The following TSPEAR variants were observed in gnomAD, a reference collection of about 807,000 sequenced individuals.
TSPEAR encodes thrombospondin type laminin G domain and EAR repeats, also known as thrombospondin-type laminin G domain and EAR repeat-containing protein.
TSPEAR carries 69 observed loss-of-function variants against 71.6 expected under a neutral mutation model. The observed-to-expected ratio is 0.96, with a 90% confidence interval of 0.79 to 1.18. TSPEAR has a LOEUF of 1.18. Ranked by LOEUF, TSPEAR falls within the 50% of genes most tolerant of loss-of-function variation. The pLI, the probability that TSPEAR is intolerant of heterozygous loss-of-function variation, is 0.00. For missense variants in TSPEAR, 971 were observed against 894.9 expected (o/e 1.09, Z -1.09); for synonymous variants, 402 against 387.2 (o/e 1.04, Z -0.45).
At position 44,711,326 on chromosome 21, in the gene TSPEAR, G is replaced by T; in HGVS notation, c.82+107C>A. The T allele has an allele frequency of 9.6e-7, 1 of 1,039,194 alleles. No homozygotes were observed. The highest frequency in any genetic ancestry group is 1.4e-6 in the Non-Finnish European group (1 of 706,864). 64.4% of individuals were successfully genotyped at this position (1,039,194 alleles called of 1,614,324 possible). A position where few individuals can be genotyped will look rare whatever the true frequency, so the allele number is the denominator to read the frequency against. On this transcript the variant is annotated intron_variant, in intron 1 of 11. Coordinates refer to ENST00000323084, the MANE Select transcript of TSPEAR (RefSeq NM_144991.3). The surrounding 1 kb of genome is among the most constrained non-coding windows in gnomAD (Gnocchi z 4.5). ...CTGCCAGTCCTGCCAAAGCGTCCTC[G>T]GGCACCGCGGCTTGAATCAGTGTTA...
At chr21:44,540,130 G>T (rs782136901) in intron 2 of TSPEAR, 12 of 1,613,576 alleles carry the variant, frequency 7.4e-6, no homozygotes, top group Non-Finnish European at 9.3e-6. Context: ...TGGAGCAGAC[G>T]GACATGGTGG....
Position 44,565,455 on chromosome 21 carries a change from G to A in TSPEAR, c.303+2330C>T, listed in dbSNP as rs587672795. Among the ~76,000 whole-genome samples, 135 of 152,180 alleles carry A rather than the reference G, an allele frequency of 8.9e-4. No homozygotes were observed. The South Asian group carries it at 0.027, about 30-fold the overall frequency. On this transcript the variant is annotated intron_variant, in intron 2 of 11. Coordinates refer to ENST00000323084, the MANE Select transcript of TSPEAR (RefSeq NM_144991.3). ...TACCACTATCTCTCATGATATGAAC[G>A]CAAAATACTCAACAAGATACTAGCA... is the stretch of plus-strand genomic sequence containing the variant.
At chr21:44,673,984 A>G (rs1396116949) in intron 1 of TSPEAR, among the ~76,000 whole-genome samples, 1 of 152,148 alleles carries the variant, frequency 6.6e-6, no homozygotes, top group Non-Finnish European at 1.5e-5. Context: ...GGACGTTAGT[A>G]GTAATAAATG....
Position 44,591,222 on chromosome 21 carries a change from T to A in TSPEAR, c.83-23217A>T, listed in dbSNP as rs1979792777. 2.1e-5 allele frequency: 30 copies of A among 1,410,316 alleles called. No homozygotes were observed. In the South Asian group the frequency reaches 4.1e-4, roughly 19 times the overall value. 87.4% of individuals were successfully genotyped at this position (1,410,316 alleles called of 1,614,324 possible). ...GGTCTGGGGGAGTAGCTGGGGTCTC[T>A]CATGCAGCCAGCATCTGGGAAGGAC... is the stretch of plus-strand genomic sequence containing the variant. On this transcript the variant is annotated intron_variant, in intron 1 of 11. Coordinates refer to ENST00000323084, the MANE Select transcript of TSPEAR (RefSeq NM_144991.3).
chr21:44,666,875 G>A (rs1985810053), intron 1 of TSPEAR: 1 of 1,613,528 alleles, frequency 6.2e-7, no homozygotes, highest in Non-Finnish European at 8.5e-7. Flanking sequence ...AGGAGCAGCT[G>A]GTATGACACA....
intron 1 of TSPEAR, chr21:44,697,455 G>T (rs537911155): frequency 6.2e-7 from 1 of 1,614,082 alleles, no homozygotes; most frequent in East Asian, 2.2e-5. Context: ...CCCTCGTGCT[G>T]CCAGCAGTCT....
intron 1 of TSPEAR, among the ~76,000 whole-genome samples, chr21:44,667,490 T>C (rs1306197813): frequency 1.3e-5 from 2 of 152,196 alleles, no homozygotes; most frequent in Non-Finnish European, 1.5e-5. Context: ...GATCTTTGTC[T>C]TGAGAAATCC....
chr21:44,609,589 G>A (rs487102), intron 1 of TSPEAR, among the ~76,000 whole-genome samples: 142,283 of 152,304 alleles, frequency 0.93, 66,535 homozygotes, highest in Middle Eastern at 0.95. Flanking sequence ...AGACAGCTCT[G>A]AGAGAGATGT....
At chr21:44,631,334 G>T (rs1387948019) in intron 1 of TSPEAR, among the ~76,000 whole-genome samples, 3 of 152,146 alleles carry the variant, frequency 2.0e-5, no homozygotes, top group African/African-American at 7.2e-5. Flanking sequence ...TTTCACTAGA[G>T]AAGTCCCACA....
rs450530 is a variant in TSPEAR at position 44,628,207 on chromosome 21, C to T, written c.83-60202G>A. 1,856 of 826,236 alleles carry T rather than the reference C, an allele frequency of 2.2e-3. 15 individuals are homozygous for T. Among genetic ancestry groups the T allele is most frequent in the Middle Eastern group, 0.01 (27 of 2,654 alleles). The allele number at this position is 826,236 out of a possible 1,614,324, so 51.2% of individuals were successfully genotyped here. A position where few individuals can be genotyped will look rare whatever the true frequency, so the allele number is the denominator to read the frequency against. On this transcript the variant is annotated intron_variant, in intron 1 of 11. Coordinates refer to ENST00000323084, the MANE Select transcript of TSPEAR (RefSeq NM_144991.3). Reference sequence around the variant, plus strand: ...GGTCTCAGATGCTCACTGGCTCCTCCCTGACCTCCCCCCCGGGCAGGCGAG... The same window carrying T: ...GGTCTCAGATGCTCACTGGCTCCTCTCTGACCTCCCCCCCGGGCAGGCGAG...
chr21:44,666,637 CAG>C lies in TSPEAR; in HGVS notation c.82+44794_82+44795del, dbSNP rs1226837058. On this transcript the variant is annotated intron_variant, in intron 1 of 11. Coordinates refer to ENST00000323084, the MANE Select transcript of TSPEAR (RefSeq NM_144991.3). ...GGCCTGCAGCTCACAGGCACACACA[CAG>C]AAGACTGGCAGCTCACGGGCACGCA... The C allele has an allele frequency of 3.1e-6, 5 of 1,612,994 alleles. No individual in the cohort carries two copies. The African/African-American group carries it at 6.7e-5, about 22-fold the overall frequency.
intron 1 of TSPEAR, chr21:44,681,570 G>C (rs756990222): frequency 8.5e-6 from 4 of 469,462 alleles, no homozygotes; most frequent in Non-Finnish European, 1.5e-5. Context: ...GACAAGAAAC[G>C]CAGAGTTGCA....
At chr21:44,583,688 T>C (rs1334524579) in intron 1 of TSPEAR, among the ~76,000 whole-genome samples, 5 of 152,204 alleles carry the variant, frequency 3.3e-5, no homozygotes, top group Non-Finnish European at 5.9e-5. Context: ...ATCTAAGATA[T>C]ACATTACTTG....
intron 2 of TSPEAR, chr21:44,551,569 G>T: frequency 6.9e-7 from 1 of 1,441,084 alleles, no homozygotes; most frequent in Non-Finnish European, 9.4e-7. Context: ...GCTTTTATAT[G>T]CCCAGGGCCT....
intron 1 of TSPEAR, among the ~76,000 whole-genome samples, chr21:44,570,540 T>C (rs2053777533): frequency 6.6e-6 from 1 of 152,152 alleles, no homozygotes; most frequent in East Asian, 1.9e-4. Flanking sequence ...GTTCACAGCC[T>C]CAGGCACAGG....
intron 1 of TSPEAR, chr21:44,638,022 G>C (rs782777912): frequency 1.2e-6 from 2 of 1,613,304 alleles, no homozygotes; most frequent in African/African-American, 1.3e-5. Context: ...AAGTCCACCT[G>C]CTGCGTGCCC....
At chr21:44,677,967 C>T (rs1297925598) in intron 1 of TSPEAR, 10 of 1,210,576 alleles carry the variant, frequency 8.3e-6, no homozygotes, top group East Asian at 2.4e-5. Flanking sequence ...AGTAGTCAAC[C>T]ACAGAGCTGC....
intron 1 of TSPEAR, among the ~76,000 whole-genome samples, chr21:44,589,522 G>C (rs1470156800): frequency 2.0e-5 from 3 of 152,232 alleles, no homozygotes; most frequent in Non-Finnish European, 2.9e-5. Context: ...GGAGTGGCAG[G>C]ATCACAGGGT....
chr21:44,591,873 G>T (rs782532314), intron 1 of TSPEAR: 3 of 1,591,824 alleles, frequency 1.9e-6, no homozygotes, highest in Non-Finnish European at 2.5e-6. Flanking sequence ...ATGAGGGTGT[G>T]CAGGAGCTGG....
Sources: allele counts gnomAD v4.1 joint callset (sites outside exome capture counted in the v4.1 genomes callset), GRCh38; gene constraint gnomAD v4.1.1; non-coding constraint Gnocchi (gnomAD v3.1); transcripts MANE v1.5; gene names NCBI Gene and HGNC (gene_info 2026-07-23, HGNC 2026-07-21).